TCF21: variants seen among roughly 807,000 people sequenced by gnomAD.
TCF21 encodes the protein capsulin.
Under a neutral mutation model 13.5 loss-of-function variants are expected in TCF21, and 3 were observed. That is an observed-to-expected ratio of 0.22 (90% confidence interval 0.10 to 0.57). The LOEUF is 0.57. TCF21 is among the 20% of genes least tolerant of loss of function. The probability of loss-of-function intolerance (pLI) is 0.92; values close to 1 mark genes in which losing one functional copy is unlikely to be tolerated. For synonymous variants in TCF21, 92 were observed against 101.7 expected (o/e 0.90, Z 0.57); for missense variants, 181 against 238.4 (o/e 0.76, Z 1.59).
chr6:133,893,206 G>T (rs1364116240), downstream of TCF21: 3 of 152,214 alleles, frequency 2.0e-5, no homozygotes. Context: ...CCCACAGGCC[G>T]CTTCGCGGGT....
chr6:133,891,850 C>T lies in TCF21; in HGVS notation c.*48C>T, dbSNP rs1227971421. 1.2e-6 allele frequency: 2 copies of T among 1,602,990 alleles called. No homozygotes were observed. Among genetic ancestry groups the T allele is most frequent in the East Asian group, 2.2e-5 (1 of 44,604 alleles). The stretch of plus-strand genomic sequence containing the variant: ...AAGGCGCGCTCCCGGGGGGAGCGGG[C>T]CCCGGGAAGGCGACCCCTGCCCTCA... On this transcript the variant is annotated 3_prime_UTR_variant, in exon 2 of 2. Transcript: ENST00000367882.
At chr6:133,893,679 A>C (rs1775256283), downstream of TCF21, 3 of 152,236 alleles carry the variant, frequency 2.0e-5, no homozygotes, top group Admixed American at 1.3e-4. Flanking sequence ...CGAATGCTCT[A>C]AATTCTGAGG....
downstream of TCF21, chr6:133,895,289 T>C (rs1273763854): frequency 6.6e-6 from 1 of 152,198 alleles, no homozygotes; most frequent in Non-Finnish European, 1.5e-5. Flanking sequence ...CCAGGTGATG[T>C]CATTGCTGCT....
rs199875328 is a variant in TCF21, at chr6:133,891,699, C to T, written c.451-14C>T. The T allele has an allele frequency of 8.3e-5, 134 of 1,611,278 alleles. No homozygotes were observed. Among genetic ancestry groups the T allele is most frequent in the Non-Finnish European group, 1.1e-4 (130 of 1,178,532 alleles). ...CACGGCCACTTACCTCCTCCACCCTCTTCTTTCCCGCAGACGTGGCCCTTT... is the reference window on the plus strand; with the variant it reads ...CACGGCCACTTACCTCCTCCACCCTTTTCTTTCCCGCAGACGTGGCCCTTT... On this transcript the variant is annotated splice_polypyrimidine_tract_variant and intron_variant, in intron 1 of 1. Coordinates refer to ENST00000367882, the MANE Select transcript of TCF21 (RefSeq NM_003206.4).
rs575159161 is a variant in TCF21 at position 133,889,972 on chromosome 6, A to T, written c.450+125A>T. 1.8e-4 allele frequency: 196 copies of T among 1,077,466 alleles called. 2 individuals are homozygous for T. In the South Asian group the frequency reaches 2.5e-3, roughly 14 times the overall value. 66.7% of individuals were successfully genotyped at this position (1,077,466 alleles called of 1,614,324 possible). On this transcript the variant is annotated intron_variant, in intron 1 of 1. Transcript: ENST00000367882. This position sits in a 1 kb window ranked among gnomAD's most constrained non-coding sequence, Gnocchi z 5.1. ...CGGCGGTGACTTACACATCTCGACCACCGCGGGCCTAGAGCCTCCAGGGAC... is the reference window on the plus strand; with the variant it reads ...CGGCGGTGACTTACACATCTCGACCTCCGCGGGCCTAGAGCCTCCAGGGAC...
chr6:133,890,211 C>G (rs564414148), intron 1 of TCF21, among the ~76,000 whole-genome samples: 1 of 152,204 alleles, frequency 6.6e-6, no homozygotes, highest in Non-Finnish European at 1.5e-5. Context: ...CAAGACGCTG[C>G]GAGCGGACAG....
At chr6:133,890,680 C>G (rs968852585) in intron 1 of TCF21, among the ~76,000 whole-genome samples, 7 of 152,002 alleles carry the variant, frequency 4.6e-5, no homozygotes, top group African/African-American at 1.7e-4. Flanking sequence ...TATTTTAAAA[C>G]TTCTAAGATC....
chr6:133,894,726 G>A (rs3734282), downstream of TCF21: 1,122 of 152,468 alleles, frequency 7.4e-3, 9 homozygotes, highest in South Asian at 0.021. Flanking sequence ...AATATGAATA[G>A]GGGGTGAGTA....
At position 133,891,902 on chromosome 6, in the gene TCF21, G is replaced by A; in HGVS notation, c.*100G>A. ...TGCTCTCTGTCTCTGCTTCCCCCTC[G>A]CAATGCTCCTCTCTCTGTCCCACCC... On this transcript the variant is annotated 3_prime_UTR_variant, in exon 2 of 2. Transcript: ENST00000367882. 1 of 1,234,762 alleles carries A rather than the reference G, an allele frequency of 8.1e-7. No individual in the cohort carries two copies. The allele number at this position is 1,234,762 out of a possible 1,614,324, so 76.5% of individuals were successfully genotyped here. A position where few individuals can be genotyped will look rare whatever the true frequency, so the allele number is the denominator to read the frequency against.
chr6:133,892,971 C>G (rs1030367273), downstream of TCF21: 1 of 152,244 alleles, frequency 6.6e-6, no homozygotes, highest in Non-Finnish European at 1.5e-5. Context: ...CCTCACTGCC[C>G]CAGCGCAGCC....
rs5880197 is a variant in TCF21 at position 133,889,355 on chromosome 6, CTCTG to C, written c.-39_-36del. 1.8e-5 allele frequency: 28 copies of C among 1,543,470 alleles called. No homozygotes were observed. The highest frequency in any genetic ancestry group is 2.2e-5 in the South Asian group (2 of 89,936). On this transcript the variant is annotated 5_prime_UTR_variant, in exon 1 of 2. Transcript: ENST00000367882. This position sits in a 1 kb window ranked among gnomAD's most constrained non-coding sequence, Gnocchi z 5.1. ...ACCCTCTTCCTCGCTTTCTCTGTCTCTCTGTCTCTCTCTCTCTCTCTCCCTCGTC... is the reference window on the plus strand; with the variant it reads ...ACCCTCTTCCTCGCTTTCTCTGTCTCTCTCTCTCTCTCTCTCTCCCTCGTC...
At position 133,889,601 on chromosome 6, in the gene TCF21, C is replaced by T. The variant is rs1489897963; in HGVS notation, c.204C>T (p.Pro68=). 6.2e-7 allele frequency: 1 copy of T among 1,613,876 alleles called. No individual in the cohort carries two copies. The highest frequency in any genetic ancestry group is 8.5e-7 in the Non-Finnish European group (1 of 1,179,960). ...GGAAGGCGCCCACCAAGAAGAGCCC[C>T]CTGAGCGGGGTCAGCCAGGAGGGGA... The part of the protein sequence containing the change: ...KRRKAPTKKS[P]LSGVSQEGKQ... The change falls in exon 1 of 2, where the codon CCC becomes CCT. Residue 68 remains proline, a synonymous_variant. Transcript: ENST00000367882. This position sits in a 1 kb window ranked among gnomAD's most constrained non-coding sequence, Gnocchi z 5.1.
In TCF21 at chr6:133,889,987, C is replaced by A; in HGVS notation, c.450+140C>A. On this transcript the variant is annotated intron_variant, in intron 1 of 1. Coordinates refer to ENST00000367882, the MANE Select transcript of TCF21 (RefSeq NM_003206.4). This position sits in a 1 kb window ranked among gnomAD's most constrained non-coding sequence, Gnocchi z 5.1. Reference sequence around the variant, plus strand: ...CATCTCGACCACCGCGGGCCTAGAGCCTCCAGGGACCGGAGGCGGGCGGTC... The same window carrying A: ...CATCTCGACCACCGCGGGCCTAGAGACTCCAGGGACCGGAGGCGGGCGGTC... 1 of 915,002 alleles carries A rather than the reference C, an allele frequency of 1.1e-6. No individual in the cohort carries two copies. Among genetic ancestry groups the A allele is most frequent in the Non-Finnish European group, 1.7e-6 (1 of 583,264 alleles). 56.7% of individuals were successfully genotyped at this position (915,002 alleles called of 1,614,324 possible). A position where few individuals can be genotyped will look rare whatever the true frequency, so the allele number is the denominator to read the frequency against.
In TCF21 at chr6:133,889,342, G is replaced by T. The variant is rs2114559610; in HGVS notation, c.-56G>T. 2 of 1,598,122 alleles carry T rather than the reference G, an allele frequency of 1.3e-6. No homozygotes were observed. The highest frequency in any genetic ancestry group is 1.1e-5 in the South Asian group (1 of 90,772). On this transcript the variant is annotated 5_prime_UTR_variant, in exon 1 of 2. Transcript: ENST00000367882. This position sits in a 1 kb window ranked among gnomAD's most constrained non-coding sequence, Gnocchi z 5.1. Reference sequence around the variant, plus strand: ...CTGTCTCTCTCTCACCCTCTTCCTCGCTTTCTCTGTCTCTCTGTCTCTCTC... The same window carrying T: ...CTGTCTCTCTCTCACCCTCTTCCTCTCTTTCTCTGTCTCTCTGTCTCTCTC...
chr6:133,889,216 C>A lies in TCF21; in HGVS notation c.-182C>A. On this transcript the variant is annotated 5_prime_UTR_variant, in exon 1 of 2. Coordinates refer to ENST00000367882, the MANE Select transcript of TCF21 (RefSeq NM_003206.4). This position sits in a 1 kb window ranked among gnomAD's most constrained non-coding sequence, Gnocchi z 5.1. Reference sequence around the variant, plus strand: ...CTCGGGGTTCCTTCTCACAACTCTGCGAAGGGGAAAGGGTTGTGAGACCCA... The same window carrying A: ...CTCGGGGTTCCTTCTCACAACTCTGAGAAGGGGAAAGGGTTGTGAGACCCA... The A allele has an allele frequency of 5.7e-6, 4 of 700,124 alleles. No individual in the cohort carries two copies. Among genetic ancestry groups the A allele is most frequent in the Non-Finnish European group, 9.7e-6 (4 of 412,222 alleles). 43.4% of individuals were successfully genotyped at this position (700,124 alleles called of 1,614,324 possible).
chr6:133,892,003 A>G lies in TCF21; in HGVS notation c.*201A>G, dbSNP rs57108836. The G allele has an allele frequency of 7.3e-4, 421 of 575,922 alleles. No homozygotes were observed. The highest frequency in any genetic ancestry group is 7.1e-3 in the African/African-American group (379 of 53,584). 35.7% of individuals were successfully genotyped at this position (575,922 alleles called of 1,614,324 possible). On this transcript the variant is annotated 3_prime_UTR_variant, in exon 2 of 2. Transcript: ENST00000367882. ...ATCAATTGTACTTACAAAGATTCCC[A>G]TCTATTTAACTTTATTAACTTCTAC...
At chr6:133,892,749 T>C (rs1237966332), downstream of TCF21, 1 of 152,360 alleles carries the variant, frequency 6.6e-6, no homozygotes, top group East Asian at 1.9e-4. Context: ...ATACATTATC[T>C]ACATTTCTTA....
intron 1 of TCF21, 81 bp from the exon 2 acceptor site, chr6:133,891,632 T>G: frequency 7.1e-4 from 240 of 338,948 alleles, no homozygotes; most frequent in Non-Finnish European, 9.9e-4. Context: ...ACCGCCCCCC[T>G]TCCTTTCATC....
In TCF21 at chr6:133,891,989, TTACA is replaced by T; in HGVS notation, c.*188_*191del. ...CCAAACCAGAGGAGATCAATTGTAC[TTACA>T]AAGATTCCCATCTATTTAACTTTAT... On this transcript the variant is annotated 3_prime_UTR_variant, in exon 2 of 2. Transcript: ENST00000367882. 1.7e-6 allele frequency: 1 copy of T among 595,424 alleles called. No homozygotes were observed. Among genetic ancestry groups the T allele is most frequent in the Non-Finnish European group, 2.9e-6 (1 of 340,618 alleles). 36.9% of individuals were successfully genotyped at this position (595,424 alleles called of 1,614,324 possible).
Sources: allele counts gnomAD v4.1 joint callset (sites outside exome capture counted in the v4.1 genomes callset), GRCh38; gene constraint gnomAD v4.1.1; non-coding constraint Gnocchi (gnomAD v3.1); transcripts MANE v1.5; gene names NCBI Gene and HGNC (gene_info 2026-07-23, HGNC 2026-07-21).